Variants in SEMA5A observed in about 807,000 individuals in gnomAD.
The protein encoded by SEMA5A is semaphorin 5A.
Under a neutral mutation model 135.5 loss-of-function variants are expected in SEMA5A, and 55 were observed. That is an observed-to-expected ratio of 0.41 (90% CI 0.33 to 0.51). The LOEUF (loss-of-function observed/expected upper bound fraction) is 0.51. Ranked by LOEUF, SEMA5A falls within the 20% of genes least tolerant of loss-of-function variation. The pLI is 0.37. For missense variants in SEMA5A, 1,290 were observed against 1,419.9 expected (o/e 0.91, Z 1.47); for synonymous variants, 580 against 546.5 (o/e 1.06, Z -0.85).
intron 1 of SEMA5A, among the ~76,000 whole-genome samples, chr5:9,444,587 T>A (rs1007801716): frequency 2.6e-5 from 4 of 152,246 alleles, no homozygotes; most frequent in Non-Finnish European, 5.9e-5. Flanking sequence ...ATTCACTTGT[T>A]CATTGGTGGG....
At chr5:9,478,787 T>A (rs906062176) in intron 1 of SEMA5A, among the ~76,000 whole-genome samples, 3 of 152,040 alleles carry the variant, frequency 2.0e-5, no homozygotes, top group Admixed American at 2.0e-4. Flanking sequence ...TTTGGACTTA[T>A]ACTTTTGAGT....
At chr5:9,382,776 G>C (rs903483790) in intron 2 of SEMA5A, among the ~76,000 whole-genome samples, 1 of 152,144 alleles carries the variant, frequency 6.6e-6, no homozygotes, top group African/African-American at 2.4e-5. Flanking sequence ...CTATTGCATC[G>C]ATAAGCAGCA....
chr5:9,107,206 G>A (rs559633449), intron 16 of SEMA5A, among the ~76,000 whole-genome samples: 6 of 152,284 alleles, frequency 3.9e-5, no homozygotes, highest in Non-Finnish European at 7.4e-5. Flanking sequence ...TGTCCACTCT[G>A]TGCAGCCAGC....
At chr5:9,353,194 A>AGGAAAGGAAG (rs1754252800) in intron 3 of SEMA5A, among the ~76,000 whole-genome samples, 1 of 111,384 alleles carries the variant, frequency 9.0e-6, no homozygotes, top group African/African-American at 4.1e-5. Context: ...GGGAAGGGAA[A>AGGAAAGGAAG]GGAAAGGAAA....
chr5:9,506,418 T>A (rs985093750), intron 1 of SEMA5A, among the ~76,000 whole-genome samples: 2 of 152,238 alleles, frequency 1.3e-5, no homozygotes, highest in African/African-American at 4.8e-5. Context: ...TAGAAACCTT[T>A]CATTTTGGGC....
intron 3 of SEMA5A, among the ~76,000 whole-genome samples, chr5:9,356,062 A>G (rs1024489): frequency 0.66 from 99,713 of 152,018 alleles, 33,739 homozygotes; most frequent in South Asian, 0.76. Flanking sequence ...GTTTCTACTG[A>G]CATCCATATA....
intron 5 of SEMA5A, among the ~76,000 whole-genome samples, chr5:9,239,211 A>G (rs1052525863): frequency 1.3e-5 from 2 of 152,210 alleles, no homozygotes; most frequent in Non-Finnish European, 2.9e-5. Flanking sequence ...AAACAATGCT[A>G]TAACTGTTTT....
chr5:9,237,984 G>T, intron 5 of SEMA5A, 94 bp from the exon 6 acceptor site: 1 of 1,084,466 alleles, frequency 9.2e-7, no homozygotes, highest in Non-Finnish European at 1.4e-6. Context: ...ACCAGATTAG[G>T]AAATATGGCT....
chr5:9,337,931 CTA>C, intron 3 of SEMA5A, 119 bp from the exon 4 acceptor site: 1 of 655,504 alleles, frequency 1.5e-6, no homozygotes, highest in Non-Finnish European at 2.5e-6. Context: ...GGAGGTCCCT[CTA>C]TGCCATCTTT....
At chr5:9,407,467 A>T (rs1383154185) in intron 2 of SEMA5A, among the ~76,000 whole-genome samples, 1 of 152,252 alleles carries the variant, frequency 6.6e-6, no homozygotes. Context: ...TAATAAGGAC[A>T]GCACAGTTTG....
intron 1 of SEMA5A, among the ~76,000 whole-genome samples, chr5:9,477,534 A>G (rs1346022491): frequency 6.6e-6 from 1 of 152,198 alleles, no homozygotes; most frequent in Non-Finnish European, 1.5e-5. Flanking sequence ...GATGGAGATG[A>G]GGAACTTATT....
rs77477926 is a variant in SEMA5A at position 9,222,492 on chromosome 5, G to T, written c.646+2182C>A. On this transcript the variant is annotated intron_variant, in intron 8 of 22. Coordinates refer to ENST00000382496, the MANE Select transcript of SEMA5A (RefSeq NM_003966.3). ...CCAGGGAAGGAGTGTGGGGGAGGGCGGTGGAAATGCTGCTTTCCTGAGAAA... is the reference window on the plus strand; with the variant it reads ...CCAGGGAAGGAGTGTGGGGGAGGGCTGTGGAAATGCTGCTTTCCTGAGAAA... 7.4e-3 allele frequency among the ~76,000 whole-genome samples: 1,129 copies of T among 152,204 alleles called. 13 individuals carry two copies. Among genetic ancestry groups the T allele is most frequent in the South Asian group, 0.015 (73 of 4,808 alleles).
At chr5:9,199,267 GT>G (rs1227274610) in intron 9 of SEMA5A, among the ~76,000 whole-genome samples, 6 of 152,148 alleles carry the variant, frequency 3.9e-5, no homozygotes, top group Admixed American at 3.9e-4. Flanking sequence ...CTTTAATAGT[GT>G]TGTGGGAACA....
At chr5:9,177,859 T>A (rs1359183762) in intron 11 of SEMA5A, among the ~76,000 whole-genome samples, 2 of 152,352 alleles carry the variant, frequency 1.3e-5, no homozygotes, top group Admixed American at 6.5e-5. Context: ...AGAATCACCA[T>A]CCAACAGATG....
chr5:9,135,612 C>G (rs1293612446), intron 13 of SEMA5A, among the ~76,000 whole-genome samples: 2 of 152,140 alleles, frequency 1.3e-5, no homozygotes, highest in African/African-American at 4.8e-5. Flanking sequence ...ATGGAAGAAA[C>G]AGCAAGGAGT....
At chr5:9,230,812 A>G (rs1469659122) in intron 6 of SEMA5A, among the ~76,000 whole-genome samples, 1 of 152,160 alleles carries the variant, frequency 6.6e-6, no homozygotes, top group Non-Finnish European at 1.5e-5. Flanking sequence ...GTTATCACCA[A>G]TAACAGTAGG....
intron 11 of SEMA5A, among the ~76,000 whole-genome samples, chr5:9,158,503 G>GT (rs1743075898): frequency 1.1e-5 from 1 of 93,004 alleles, no homozygotes; most frequent in Non-Finnish European, 3.0e-5. Flanking sequence ...AGATCAACAA[G>GT]TAAAAAAAAA....
intron 1 of SEMA5A, among the ~76,000 whole-genome samples, chr5:9,506,845 C>T (rs536751314): frequency 4.1e-4 from 63 of 152,282 alleles, no homozygotes; most frequent in African/African-American, 1.3e-3. Context: ...ATGTGCTATC[C>T]GAGGATCACT....
At chr5:9,192,271 T>C (rs993994969) in intron 10 of SEMA5A, among the ~76,000 whole-genome samples, 6 of 152,266 alleles carry the variant, frequency 3.9e-5, no homozygotes, top group Admixed American at 3.9e-4. Flanking sequence ...AGTCTCTGTC[T>C]CTTTACCTGT....
Sources: gnomAD v4.1 joint callset for allele counts (sites outside exome capture counted in the v4.1 genomes callset) on GRCh38, gnomAD v4.1.1 for gene constraint, MANE v1.5 for transcripts, NCBI Gene and HGNC (gene_info 2026-07-23, HGNC 2026-07-21) for gene names.